The following CNTNAP5 variants were observed in gnomAD, a reference collection of about 807,000 sequenced individuals.
CNTNAP5 encodes the protein contactin associated protein family member 5, also known as contactin-associated protein-like 5.
In CNTNAP5, 72 loss-of-function variants were observed where a neutral mutation model predicts 150.2. That is an observed-to-expected ratio of 0.48 (90% CI 0.40 to 0.58). The LOEUF (loss-of-function observed/expected upper bound fraction) is 0.58. CNTNAP5 is among the 20% of genes least tolerant of loss of function. CNTNAP5 has a pLI of 0.00. For synonymous variants in CNTNAP5, 672 were observed against 619.8 expected (o/e 1.08, Z -1.25); for missense variants, 1,636 against 1,626.2 (o/e 1.01, Z -0.10).
intron 16 of CNTNAP5, among the ~76,000 whole-genome samples, chr2:124,770,564 A>C (rs1681168345): frequency 6.6e-6 from 1 of 152,190 alleles, no homozygotes; most frequent in Non-Finnish European, 1.5e-5. Context: ...GGGTCCAGTC[A>C]TCTCTCAGTT....
intron 8 of CNTNAP5, among the ~76,000 whole-genome samples, chr2:124,515,997 A>G (rs1694706755): frequency 1.3e-5 from 2 of 152,164 alleles, no homozygotes; most frequent in African/African-American, 4.8e-5. Context: ...CTCTATCAGA[A>G]AGAGACAGGA....
At chr2:124,536,542 A>G (rs1366575349) in intron 10 of CNTNAP5, among the ~76,000 whole-genome samples, 2 of 152,086 alleles carry the variant, frequency 1.3e-5, no homozygotes, top group African/African-American at 4.8e-5. Context: ...AAGACAACCA[A>G]TTCTTAGAGA....
chr2:124,377,061 A>G (rs1690666027), intron 3 of CNTNAP5, among the ~76,000 whole-genome samples: 1 of 152,136 alleles, frequency 6.6e-6, no homozygotes, highest in African/African-American at 2.4e-5. Flanking sequence ...GGACAAAATA[A>G]AAGTCTCCAA....
rs11355936 is a variant in CNTNAP5, at chr2:124,459,758, TAA to T, written c.918+12842_918+12843del. On this transcript the variant is annotated intron_variant, in intron 6 of 23. Transcript: ENST00000682447. ...GGGCAACAAGAGTGAAATTCCTCTGTAAAAAAAAAAAAAAAAAAAAAAGGAAT... is the reference window on the plus strand; with the variant it reads ...GGGCAACAAGAGTGAAATTCCTCTGTAAAAAAAAAAAAAAAAAAAAGGAAT... Among the ~76,000 whole-genome samples, 636 of 113,392 alleles carry T rather than the reference TAA, an allele frequency of 5.6e-3. 2 individuals carry two copies. The highest frequency in any genetic ancestry group is 0.023 in the Middle Eastern group (5 of 220). 74.4% of individuals were successfully genotyped at this position (113,392 alleles called of 152,430 possible).
chr2:124,461,148 AC>A (rs1031416201), intron 6 of CNTNAP5, among the ~76,000 whole-genome samples: 2 of 152,008 alleles, frequency 1.3e-5, no homozygotes, highest in Non-Finnish European at 2.9e-5. Flanking sequence ...AACTAGAAAT[AC>A]CATTTGACCC....
intron 13 of CNTNAP5, among the ~76,000 whole-genome samples, chr2:124,689,670 G>A (rs1679262188): frequency 6.6e-6 from 1 of 152,082 alleles, no homozygotes; most frequent in African/African-American, 2.4e-5. Context: ...TATGGTGCGT[G>A]TGTGTGTTTG....
intron 19 of CNTNAP5, among the ~76,000 whole-genome samples, chr2:124,857,778 G>A (rs1677413678): frequency 6.6e-6 from 1 of 151,956 alleles, no homozygotes; most frequent in African/African-American, 2.4e-5. Flanking sequence ...AGTGAGCTGA[G>A]ATCGCACCAC....
chr2:124,497,645 T>G (rs1168532340), intron 7 of CNTNAP5, among the ~76,000 whole-genome samples: 1 of 152,228 alleles, frequency 6.6e-6, no homozygotes, highest in Non-Finnish European at 1.5e-5. Context: ...TGATAGGTAC[T>G]TGTTCTAGCT....
At chr2:124,502,797 G>A (rs972061331) in intron 7 of CNTNAP5, among the ~76,000 whole-genome samples, 12 of 152,222 alleles carry the variant, frequency 7.9e-5, no homozygotes, top group African/African-American at 2.6e-4. Context: ...TTAAATGGTA[G>A]CACTCAGTGC....
intron 3 of CNTNAP5, among the ~76,000 whole-genome samples, chr2:124,249,987 GTGTGTA>G (rs201731386): frequency 0.11 from 13,025 of 114,920 alleles, 1,008 homozygotes; most frequent in African/African-American, 0.29. Flanking sequence ...GTGTGTGTGT[GTGTGTA>G]TGTGTTTCTT....
At chr2:124,654,435 C>G (rs1678397057) in intron 13 of CNTNAP5, among the ~76,000 whole-genome samples, 1 of 152,020 alleles carries the variant, frequency 6.6e-6, no homozygotes. Flanking sequence ...GGTATGAGCT[C>G]CCTGAAGGAA....
intron 10 of CNTNAP5, among the ~76,000 whole-genome samples, chr2:124,530,639 T>C (rs1327047297): frequency 6.6e-6 from 1 of 152,182 alleles, no homozygotes; most frequent in East Asian, 1.9e-4. Flanking sequence ...CGCACGGCTC[T>C]GGAAGCAGGA....
intron 3 of CNTNAP5, among the ~76,000 whole-genome samples, chr2:124,305,478 C>T (rs1688665010): frequency 6.6e-6 from 1 of 152,106 alleles, no homozygotes; most frequent in Admixed American, 6.6e-5. Context: ...ACCCTAAAAA[C>T]TATTTTGCTT....
At chr2:124,295,099 T>C (rs1455899139) in intron 3 of CNTNAP5, among the ~76,000 whole-genome samples, 2 of 147,772 alleles carry the variant, frequency 1.4e-5, no homozygotes, top group African/African-American at 2.5e-5. Context: ...GAGCAAGACT[T>C]CATCTCAAAA....
intron 1 of CNTNAP5, among the ~76,000 whole-genome samples, chr2:124,136,098 A>T (rs532949680): frequency 8.1e-4 from 124 of 152,330 alleles, no homozygotes; most frequent in African/African-American, 2.8e-3. Flanking sequence ...TCCAATTTCC[A>T]ATTAAATAGA....
At chr2:124,219,981 T>A (rs1686262858) in intron 1 of CNTNAP5, among the ~76,000 whole-genome samples, 1 of 152,130 alleles carries the variant, frequency 6.6e-6, no homozygotes, top group East Asian at 1.9e-4. Flanking sequence ...TTTTCAACAT[T>A]TGTATTTGGG....
At chr2:124,868,225 C>A (rs1479534044) in intron 20 of CNTNAP5, among the ~76,000 whole-genome samples, 2 of 152,140 alleles carry the variant, frequency 1.3e-5, no homozygotes, top group Non-Finnish European at 2.9e-5. Context: ...TTTGTCCAAA[C>A]CCTGTCAATG....
chr2:124,104,606 A>G (rs1490682765), intron 1 of CNTNAP5, among the ~76,000 whole-genome samples: 2 of 152,152 alleles, frequency 1.3e-5, no homozygotes, highest in East Asian at 1.9e-4. Flanking sequence ...TTTTAGTCCT[A>G]TATCGTATAG....
At position 124,718,055 on chromosome 2, in the gene CNTNAP5, C is replaced by T. The variant is rs1337403416; in HGVS notation, c.2078-29174C>T. On this transcript the variant is annotated intron_variant, in intron 13 of 23. Transcript: ENST00000682447. ...AAGATGCTATTATACTCTACCCACA[C>T]CAGTTCTTACATTTCTTTCTAGAAA... Among the ~76,000 whole-genome samples the T allele has an allele frequency of 2.0e-4, 31 of 152,144 alleles. 1 individual carries two copies. Among genetic ancestry groups the T allele is most frequent in the Non-Finnish European group, 4.4e-4 (30 of 68,034 alleles).
Sources: allele counts gnomAD v4.1 joint callset (sites outside exome capture counted in the v4.1 genomes callset), GRCh38; gene constraint gnomAD v4.1.1; transcripts MANE v1.5; gene names NCBI Gene and HGNC (gene_info 2026-07-23, HGNC 2026-07-21).